DGCR8: variants seen among roughly 807,000 people sequenced by gnomAD.
The protein encoded by DGCR8 is microprocessor complex subunit DGCR8.
Under a neutral mutation model 78.5 loss-of-function variants are expected in DGCR8, and 14 were observed. That is an observed-to-expected ratio of 0.18 (90% confidence interval 0.12 to 0.28). The LOEUF is 0.28. DGCR8 is among the 10% of genes least tolerant of loss of function. The pLI, the probability that DGCR8 is intolerant of heterozygous loss-of-function variation, is 1.00. For missense variants in DGCR8, 702 were observed against 1,022.5 expected, an observed-to-expected ratio of 0.69 and a Z score of 4.28; for synonymous variants, 399 against 402.4, an observed-to-expected ratio of 0.99 and a Z score of 0.10.
At chr22:20,084,904 T>G (rs1373714021) in intron 1 of DGCR8, 1 of 896,262 alleles carries the variant, frequency 1.1e-6, no homozygotes, top group African/African-American at 1.8e-5. Context: ...AACCTACTTG[T>G]GGCATGAGAG....
chr22:20,085,887 GT>G lies in DGCR8; in HGVS notation c.-76del. 5 of 1,503,850 alleles carry G rather than the reference GT, an allele frequency of 3.3e-6. No individual in the cohort carries two copies. The highest frequency in any genetic ancestry group is 4.4e-6 in the Non-Finnish European group (5 of 1,134,258). 93.2% of individuals were successfully genotyped at this position (1,503,850 alleles called of 1,614,324 possible). A position where few individuals can be genotyped will look rare whatever the true frequency, so the allele number is the denominator to read the frequency against. On this transcript the variant is annotated 5_prime_UTR_variant, in exon 2 of 14. Coordinates refer to ENST00000351989, the MANE Select transcript of DGCR8 (RefSeq NM_022720.7). This position sits in a 1 kb window ranked among gnomAD's most constrained non-coding sequence, Gnocchi z 6.2. ...GACGCGCCCGGGTCTCAGCGGACTTGTGCATGTTAGCTGTGTAGATTTATGT... is the reference window on the plus strand; with the variant it reads ...GACGCGCCCGGGTCTCAGCGGACTTGGCATGTTAGCTGTGTAGATTTATGT...
At chr22:20,096,568 A>T (rs2147929153) in intron 9 of DGCR8, 2 of 757,092 alleles carry the variant, frequency 2.6e-6, no homozygotes, top group South Asian at 1.2e-4. Context: ...TTTAAACTAT[A>T]TAAGTGGATT....
intron 13 of DGCR8, 109 bp downstream of exon 13, chr22:20,109,112 C>T: frequency 1.5e-6 from 1 of 645,536 alleles, no homozygotes; most frequent in South Asian, 1.6e-5. Flanking sequence ...CTTGGAAATG[C>T]TTGGATCCTC....
chr22:20,080,258 G>A lies in DGCR8; in HGVS notation c.-403G>A, dbSNP rs1234262510. 1.0e-6 allele frequency: 1 copy of A among 978,140 alleles called. No individual in the cohort carries two copies. The highest frequency in any genetic ancestry group is 1.2e-6 in the Non-Finnish European group (1 of 825,420). 60.6% of individuals were successfully genotyped at this position (978,140 alleles called of 1,614,324 possible). On this transcript the variant is annotated 5_prime_UTR_variant, in exon 1 of 14. Transcript: ENST00000351989. ...GGCCCGCCCTCCGCTCGCCCGGCGC[G>A]GCAGGCGGGTGCCGGCGACCGGAGA... is the stretch of plus-strand genomic sequence containing the variant.
At chr22:20,081,347 C>T (rs903536851) in intron 1 of DGCR8, among the ~76,000 whole-genome samples, 2 of 152,212 alleles carry the variant, frequency 1.3e-5, no homozygotes, top group Admixed American at 6.5e-5. Context: ...TCCAAGTGTA[C>T]GGGTTTTCTC....
intron 9 of DGCR8, among the ~76,000 whole-genome samples, chr22:20,095,607 G>C (rs2049619531): frequency 6.6e-6 from 1 of 152,082 alleles, no homozygotes; most frequent in South Asian, 2.1e-4. Flanking sequence ...TACTACATCT[G>C]TCCCCAACCT....
chr22:20,103,342 ATAGT>A (rs112346953), intron 9 of DGCR8, among the ~76,000 whole-genome samples: 7,137 of 152,152 alleles, frequency 0.047, 545 homozygotes, highest in African/African-American at 0.16. Context: ...TACTAGATTT[ATAGT>A]TAAATATTTT....
At chr22:20,084,984 C>T (rs1476454376) in intron 1 of DGCR8, 9 of 985,272 alleles carry the variant, frequency 9.1e-6, no homozygotes, top group Middle Eastern at 5.2e-4. Flanking sequence ...CCAGGCCTCT[C>T]TGTGCCTCGG....
chr22:20,081,398 C>T (rs1305794487), intron 1 of DGCR8, among the ~76,000 whole-genome samples: 1 of 152,218 alleles, frequency 6.6e-6, no homozygotes, highest in Admixed American at 6.5e-5. Context: ...TGAGCCCGTT[C>T]CTGTCCGATA....
At chr22:20,100,130 G>A (rs756839126) in intron 9 of DGCR8, among the ~76,000 whole-genome samples, 3 of 151,944 alleles carry the variant, frequency 2.0e-5, no homozygotes, top group Non-Finnish European at 4.4e-5. Flanking sequence ...GCAGTGGTTC[G>A]ATCTCTGCTT....
Position 20,108,926 on chromosome 22 carries a change from T to C in DGCR8, c.2161T>C (p.Tyr721His). 1 of 1,609,226 alleles carries C rather than the reference T, an allele frequency of 6.2e-7. No homozygotes were observed. Among genetic ancestry groups the C allele is most frequent in the Non-Finnish European group, 8.5e-7 (1 of 1,175,790 alleles). Residue 721 changes from tyrosine to histidine, a missense_variant, in exon 13 of 14, where the codon TAT (tyrosine) becomes CAT (histidine). This residue lies in a region of DGCR8 where 225 missense variants were observed against 427.7 expected (regional missense o/e 0.53). Transcript: ENST00000351989. ...SDKSVIELQQ[Y>H]AKKNKPNLHI... ...CAAGAGTGTGATTGAGCTGCAGCAG[T>C]ATGCCAAGAAGAACAAGCCCAACCT...
rs1176877627 is a variant in DGCR8, at chr22:20,087,671, C to T, written c.880+350C>T. Reference sequence around the variant, plus strand: ...GGAGACCAAGGGCAAGGTGGGTACACAGTGAGATGGCAGGTGATAGTTGTG... The same window carrying T: ...GGAGACCAAGGGCAAGGTGGGTACATAGTGAGATGGCAGGTGATAGTTGTG... On this transcript the variant is annotated intron_variant, in intron 3 of 13. Coordinates refer to ENST00000351989, the MANE Select transcript of DGCR8 (RefSeq NM_022720.7). This position sits in a 1 kb window ranked among gnomAD's most constrained non-coding sequence, Gnocchi z 4.1. 2.0e-5 allele frequency among the ~76,000 whole-genome samples: 3 copies of T among 152,090 alleles called. No homozygotes were observed. The highest frequency in any genetic ancestry group is 4.4e-5 in the Non-Finnish European group (3 of 68,016).
Position 20,089,821 on chromosome 22 carries a change from G to A in DGCR8, c.1023+10G>A, listed in dbSNP as rs769326032. On this transcript the variant is annotated intron_variant, in intron 4 of 13. Transcript: ENST00000351989. This position sits in a 1 kb window ranked among gnomAD's most constrained non-coding sequence, Gnocchi z 4.9. ...AACGGGAAGCATACGGGTAGGGGAG[G>A]CATCAGTCGTGACTTTAGGCTTGTA... 24 of 1,613,596 alleles carry A rather than the reference G, an allele frequency of 1.5e-5. No homozygotes were observed. Among genetic ancestry groups the A allele is most frequent in the Non-Finnish European group, 2.0e-5 (24 of 1,179,910 alleles).
At chr22:20,092,596 T>A (rs755762389) in intron 7 of DGCR8, among the ~76,000 whole-genome samples, 1 of 152,098 alleles carries the variant, frequency 6.6e-6, no homozygotes, top group Non-Finnish European at 1.5e-5. Flanking sequence ...ACGTGCCTCA[T>A]TTCCCTCCAC....
chr22:20,100,914 TGGG>T (rs1195005545), intron 9 of DGCR8: 4 of 861,268 alleles, frequency 4.6e-6, no homozygotes, highest in Middle Eastern at 1.2e-3. Context: ...CAGCCGCAAA[TGGG>T]GGCCCCTGCC....
Position 20,080,313 on chromosome 22 carries a change from C to T in DGCR8, c.-348C>T, listed in dbSNP as rs1051075256. 1.4e-5 allele frequency: 14 copies of T among 980,934 alleles called. No homozygotes were observed. The highest frequency in any genetic ancestry group is 1.4e-5 in the Non-Finnish European group (12 of 828,178). 60.8% of individuals were successfully genotyped at this position (980,934 alleles called of 1,614,324 possible). ...GGACAGGCTTTCCAGATGGCTGCGGCGGTCGGTCGGTGAGGCTTTCCCGGC... is the reference window on the plus strand; with the variant it reads ...GGACAGGCTTTCCAGATGGCTGCGGTGGTCGGTCGGTGAGGCTTTCCCGGC... On this transcript the variant is annotated 5_prime_UTR_variant, in exon 1 of 14. Transcript: ENST00000351989.
At chr22:20,083,167 A>T (rs896889662) in intron 1 of DGCR8, among the ~76,000 whole-genome samples, 1 of 152,142 alleles carries the variant, frequency 6.6e-6, no homozygotes, top group African/African-American at 2.4e-5. Flanking sequence ...GATGCAGGCC[A>T]TGAGGCCTTC....
chr22:20,085,695 A>C lies in DGCR8; in HGVS notation c.-269A>C. The C allele has an allele frequency of 7.7e-7, 1 of 1,292,334 alleles. No individual in the cohort carries two copies. Among genetic ancestry groups the C allele is most frequent in the Non-Finnish European group, 9.8e-7 (1 of 1,023,638 alleles). 80.1% of individuals were successfully genotyped at this position (1,292,334 alleles called of 1,614,324 possible). A position where few individuals can be genotyped will look rare whatever the true frequency, so the allele number is the denominator to read the frequency against. ...TTTAAATTTCTTTGCAGGTAGAAGAAGAAAGGTGCCACTCCGGCATGAAGA... is the reference window on the plus strand; with the variant it reads ...TTTAAATTTCTTTGCAGGTAGAAGACGAAAGGTGCCACTCCGGCATGAAGA... On this transcript the variant is annotated 5_prime_UTR_variant, in exon 2 of 14. Coordinates refer to ENST00000351989, the MANE Select transcript of DGCR8 (RefSeq NM_022720.7). The surrounding 1 kb of genome is among the most constrained non-coding windows in gnomAD (Gnocchi z 6.2).
At chr22:20,084,131 GA>G (rs1418687761) in intron 1 of DGCR8, among the ~76,000 whole-genome samples, 1 of 152,230 alleles carries the variant, frequency 6.6e-6, no homozygotes, top group Admixed American at 6.5e-5. Flanking sequence ...ATGGCCAGTG[GA>G]TAGTTGTTAA....
Sources: gnomAD v4.1 joint callset for allele counts (sites outside exome capture counted in the v4.1 genomes callset) on GRCh38, gnomAD v4.1.1 for gene constraint, gnomAD v4.1.1 regional missense constraint, Gnocchi (gnomAD v3.1) non-coding constraint, MANE v1.5 for transcripts, NCBI Gene and HGNC (gene_info 2026-07-23, HGNC 2026-07-21) for gene names.